The following ELP1 variants were observed in gnomAD, a reference collection of about 807,000 sequenced individuals.
ELP1 encodes the protein elongator acetyltransferase complex subunit 1.
Under a neutral mutation model 183.2 loss-of-function variants are expected in ELP1, and 131 were observed. The ratio of observed to expected loss-of-function variants is 0.72; its 90% CI spans 0.62 to 0.83. The LOEUF is 0.83. Among genes scored for constraint, ELP1 ranks in the 40% least tolerant of loss-of-function variants. The pLI, the probability that ELP1 is intolerant of heterozygous loss-of-function variation, is 0.00. For missense variants in ELP1, 1,550 were observed against 1,594.9 expected (o/e 0.97, Z 0.48); for synonymous variants, 555 against 569.0 (o/e 0.98, Z 0.35).
chr9:108,872,814 A>C (rs1367669520), intron 36 of ELP1, among the ~76,000 whole-genome samples: 2 of 50,240 alleles, frequency 4.0e-5, no homozygotes, highest in Admixed American at 5.4e-4. Context: ...GAAAAAAAAA[A>C]AAAAAAAAAA....
intron 11 of ELP1, 66 bp from the exon 12 acceptor site, chr9:108,911,246 A>G (rs1829213316): frequency 2.8e-6 from 4 of 1,421,430 alleles, no homozygotes; most frequent in Middle Eastern, 1.7e-4. Flanking sequence ...AAGCCATCTG[A>G]ACATCACAGT....
intron 6 of ELP1, among the ~76,000 whole-genome samples, chr9:108,921,203 T>G (rs1287545956): frequency 6.6e-6 from 1 of 152,174 alleles, no homozygotes; most frequent in African/African-American, 2.4e-5. Flanking sequence ...ATAATCTAAA[T>G]TTTGAGCATT....
intron 5 of ELP1, among the ~76,000 whole-genome samples, chr9:108,923,429 T>A (rs1829726321): frequency 6.6e-6 from 1 of 152,198 alleles, no homozygotes; most frequent in Non-Finnish European, 1.5e-5. Flanking sequence ...CTTTGAAGAA[T>A]TTGAAATGCC....
intron 16 of ELP1, among the ~76,000 whole-genome samples, chr9:108,901,945 G>A (rs1350199109): frequency 6.6e-6 from 1 of 152,024 alleles, no homozygotes; most frequent in Non-Finnish European, 1.5e-5. Context: ...CACTCAACCG[G>A]TGTTGATCCC....
chr9:108,881,883 G>A, intron 30 of ELP1, 118 bp from the exon 31 acceptor site: 1 of 742,112 alleles, frequency 1.3e-6, no homozygotes, highest in Non-Finnish European at 2.3e-6. Context: ...CTGAAAAACA[G>A]GCCTCCTACA....
At chr9:108,908,167 C>T (rs534353813) in intron 13 of ELP1, 138 bp downstream of exon 13, 130 of 702,312 alleles carry the variant, frequency 1.9e-4, no homozygotes, top group Admixed American at 1.4e-3. Flanking sequence ...CAATCAGATC[C>T]GAAAGTCAGG....
chr9:108,875,091 A>G, intron 35 of ELP1, 121 bp from the exon 36 acceptor site: 1 of 740,398 alleles, frequency 1.4e-6, no homozygotes, highest in South Asian at 1.4e-5. Context: ...ATGGTGTGAA[A>G]CACAGTAATT....
At chr9:108,926,488 G>A (rs1362248268) in intron 5 of ELP1, 35 bp downstream of exon 5, 60 of 1,511,746 alleles carry the variant, frequency 4.0e-5, no homozygotes, top group Middle Eastern at 1.7e-4. Context: ...GGGAAGAAAC[G>A]TAGGTCACAA....
chr9:108,913,724 G>A (rs534313967), intron 10 of ELP1, among the ~76,000 whole-genome samples: 12 of 152,066 alleles, frequency 7.9e-5, no homozygotes, highest in African/African-American at 2.2e-4. Flanking sequence ...CTCGGCTCAC[G>A]GCAACCTCTG....
chr9:108,905,542 T>G (rs1392101743), intron 14 of ELP1, among the ~76,000 whole-genome samples: 1 of 152,150 alleles, frequency 6.6e-6, no homozygotes, highest in East Asian at 1.9e-4. Flanking sequence ...TGTAGTCAGG[T>G]ACAAAATAGG....
Position 108,912,354 on chromosome 9 carries a change from G to T in ELP1, c.1099C>A (p.His367Asn), listed in dbSNP as rs748461473. The T allele has an allele frequency of 6.2e-7, 1 of 1,614,186 alleles. No homozygotes were observed. The highest frequency in any genetic ancestry group is 1.1e-5 in the South Asian group (1 of 91,080). ...CAGTGCCAATCATAGGCGAGGTAATGCCAGCCCTGACAGAGAACATGCAGC... is the reference window on the plus strand; with the variant it reads ...CAGTGCCAATCATAGGCGAGGTAATTCCAGCCCTGACAGAGAACATGCAGC... ...YRLHVLCQGW[H>N]YLAYDWHWTT... Residue 367 changes from histidine to asparagine, a missense_variant, in exon 11 of 37, where the codon CAT (histidine) becomes AAT (asparagine). By Grantham distance (68) the His-to-Asn change is moderately conservative (BLOSUM62 1). Transcript: ENST00000374647.
intron 36 of ELP1, among the ~76,000 whole-genome samples, chr9:108,871,944 C>T (rs1313833980): frequency 6.6e-6 from 1 of 152,196 alleles, no homozygotes; most frequent in Non-Finnish European, 1.5e-5. Context: ...AGTCCTTGCA[C>T]TGGGTTCATT....
Position 108,896,519 on chromosome 9 carries a change from T to C in ELP1, c.2713A>G (p.Met905Val). 2 of 1,614,124 alleles carry C rather than the reference T, an allele frequency of 1.2e-6. No homozygotes were observed. Among genetic ancestry groups the C allele is most frequent in the Non-Finnish European group, 1.7e-6 (2 of 1,179,982 alleles). Residue 905 changes from methionine to valine, a missense_variant, in exon 25 of 37, where the codon ATG (methionine) becomes GTG (valine). Transcript: ENST00000374647. ...LGTYDFDLVL[M>V]VAEKSQKDPK... The stretch of plus-strand genomic sequence containing the variant: ...ACCTTCTGTGACTTCTCAGCTACCA[T>C]GAGGACCAAATCAAAGTCATAGGTG...
At chr9:108,903,812 C>T (rs1828911810) in intron 14 of ELP1, 143 bp from the exon 15 acceptor site, 2 of 675,380 alleles carry the variant, frequency 3.0e-6, no homozygotes, top group Admixed American at 2.1e-5. Flanking sequence ...CATATATACA[C>T]ACCCAATACT....
rs2131981589 is a variant in ELP1, at chr9:108,897,147, C to T, written c.2501+1G>A. Reference sequence around the variant, plus strand: ...ATGCCACCTGGTGACAGCATACATACTTATGAGGATTTATGCTCTCCATGA... The same window carrying T: ...ATGCCACCTGGTGACAGCATACATATTTATGAGGATTTATGCTCTCCATGA... On this transcript the variant is annotated splice_donor_variant, in intron 23 of 36. Coordinates refer to ENST00000374647, the MANE Select transcript of ELP1 (RefSeq NM_003640.5). LOFTEE classifies it high-confidence loss of function. The T allele has an allele frequency of 6.2e-7, 1 of 1,614,184 alleles. No individual in the cohort carries two copies.
At chr9:108,887,611 A>T (rs1021757868) in intron 29 of ELP1, among the ~76,000 whole-genome samples, 5 of 152,122 alleles carry the variant, frequency 3.3e-5, no homozygotes, top group Non-Finnish European at 1.5e-5. Context: ...CCTTGAGATG[A>T]CTCTAGCCCT....
chr9:108,900,125 GAAAACTATC>G, intron 19 of ELP1, 126 bp downstream of exon 19: 1 of 815,114 alleles, frequency 1.2e-6, no homozygotes, highest in Non-Finnish European at 2.1e-6. Flanking sequence ...AAAGCTAACA[GAAAACTATC>G]AAGGAAAGGT....
At chr9:108,901,329 T>C in intron 18 of ELP1, 96 bp downstream of exon 18, 1 of 907,368 alleles carries the variant, frequency 1.1e-6, no homozygotes, top group Non-Finnish European at 1.8e-6. Context: ...GACTCCTTGA[T>C]AAAAAGCCAA....
At chr9:108,877,370 C>T (rs1177300652) in intron 35 of ELP1, among the ~76,000 whole-genome samples, 3 of 152,274 alleles carry the variant, frequency 2.0e-5, no homozygotes, top group East Asian at 3.9e-4. Context: ...AATAGATAGG[C>T]TTTTGTTTTC....
Sources: gnomAD v4.1 joint callset for allele counts (sites outside exome capture counted in the v4.1 genomes callset) on GRCh38, gnomAD v4.1.1 for gene constraint, MANE v1.5 for transcripts, NCBI Gene and HGNC (gene_info 2026-07-23, HGNC 2026-07-21) for gene names.